The following POU6F2 variants were observed in gnomAD, a reference collection of about 807,000 sequenced individuals.
The protein encoded by POU6F2 is POU domain, class 6, transcription factor 2.
POU6F2 carries 31 observed loss-of-function variants against 71.3 expected under a neutral mutation model. The ratio of observed to expected loss-of-function variants is 0.43; its 90% confidence interval spans 0.33 to 0.59. The LOEUF (loss-of-function observed/expected upper bound fraction) is 0.59. Ranked by LOEUF, POU6F2 falls within the 20% of genes least tolerant of loss-of-function variation. The probability of loss-of-function intolerance (pLI) is 0.04; values close to 1 mark genes in which losing one functional copy is unlikely to be tolerated. For synonymous variants in POU6F2, 347 were observed against 355.7 expected, an observed-to-expected ratio of 0.98 and a Z score of 0.27; for missense variants, 783 against 856.8, an observed-to-expected ratio of 0.91 and a Z score of 1.07.
intron 4 of POU6F2, among the ~76,000 whole-genome samples, chr7:39,225,527 A>G (rs932971927): frequency 6.6e-6 from 1 of 152,056 alleles, no homozygotes; most frequent in Non-Finnish European, 1.5e-5. Flanking sequence ...GAAGCATGTT[A>G]CCTTTTCTGT....
At chr7:39,229,909 A>G (rs1794543625) in intron 4 of POU6F2, among the ~76,000 whole-genome samples, 1 of 152,238 alleles carries the variant, frequency 6.6e-6, no homozygotes, top group Admixed American at 6.5e-5. Flanking sequence ...TTGAGCACAT[A>G]CTAAATTCTG....
At chr7:39,395,810 TA>T (rs1787164519) in intron 5 of POU6F2, among the ~76,000 whole-genome samples, 3 of 152,206 alleles carry the variant, frequency 2.0e-5, no homozygotes, top group Non-Finnish European at 4.4e-5. Context: ...GTAAAGAGTG[TA>T]TTGTGCTTTT....
chr7:39,399,875 AG>A (rs60271626), intron 5 of POU6F2, among the ~76,000 whole-genome samples: 103 of 46,342 alleles, frequency 2.2e-3, no homozygotes, highest in East Asian at 7.6e-3. Flanking sequence ...AAAAAAAGAA[AG>A]AAAGAAAGAA....
chr7:39,030,476 C>A (rs1789910619), intron 1 of POU6F2, among the ~76,000 whole-genome samples: 1 of 123,058 alleles, frequency 8.1e-6, no homozygotes, highest in Non-Finnish European at 1.7e-5. Flanking sequence ...TTGCTAATCT[C>A]CTGTATTGAA....
At position 39,447,706 on chromosome 7, in the gene POU6F2, C is replaced by A. The variant is rs77965206; in HGVS notation, c.1321-3827C>A. On this transcript the variant is annotated intron_variant, in intron 7 of 9. Coordinates refer to ENST00000518318, the MANE Select transcript of POU6F2 (RefSeq NM_001370959.1). ...TATAGAAGCATCTAAGTTTCCCTTT[C>A]CCTCCAGGAAGGAAAGGAAAGAAAC... is the stretch of plus-strand genomic sequence containing the variant. Among the ~76,000 whole-genome samples the A allele has an allele frequency of 8.9e-3, 1,350 of 152,280 alleles. 23 individuals are homozygous for A. Among genetic ancestry groups the A allele is most frequent in the African/African-American group, 0.031 (1,273 of 41,558 alleles).
chr7:39,277,825 A>G (rs1248268735), intron 4 of POU6F2, among the ~76,000 whole-genome samples: 3 of 152,174 alleles, frequency 2.0e-5, no homozygotes, highest in Middle Eastern at 6.8e-3. Flanking sequence ...TTGGGAGGCC[A>G]TGGCGGGCGA....
rs1258474723 is a variant in POU6F2 at position 39,087,140 on chromosome 7, C to CTTTA, written c.277+1112_277+1115dup. Among the ~76,000 whole-genome samples, 4 of 110,730 alleles carry CTTTA rather than the reference C, an allele frequency of 3.6e-5. No individual in the cohort carries two copies. In the East Asian group the frequency reaches 9.4e-4, roughly 26 times the overall value. 72.6% of individuals were successfully genotyped at this position (110,730 alleles called of 152,430 possible). On this transcript the variant is annotated intron_variant, in intron 2 of 9. Transcript: ENST00000518318. ...TCAGCAATTCGGCTTGAAACACAGG[C>CTTTA]TTTATTAATTAATTAATTAATTTAT... is the stretch of plus-strand genomic sequence containing the variant.
intron 4 of POU6F2, among the ~76,000 whole-genome samples, chr7:39,326,211 A>C (rs1172079772): frequency 6.6e-6 from 1 of 152,210 alleles, no homozygotes; most frequent in African/African-American, 2.4e-5. Context: ...TTTGGTTTCA[A>C]GAAGACAGTG....
intron 2 of POU6F2, among the ~76,000 whole-genome samples, chr7:39,153,892 C>G (rs1228087930): frequency 6.6e-6 from 1 of 152,090 alleles, no homozygotes; most frequent in Non-Finnish European, 1.5e-5. Flanking sequence ...AGATGGGTAC[C>G]CTTGCCACTG....
At chr7:39,298,387 C>T (rs568120245) in intron 4 of POU6F2, among the ~76,000 whole-genome samples, 11 of 152,176 alleles carry the variant, frequency 7.2e-5, no homozygotes, top group East Asian at 1.9e-4. Context: ...AAGACATTTA[C>T]GTGGCCAACA....
At chr7:39,323,969 C>T (rs185123040) in intron 4 of POU6F2, among the ~76,000 whole-genome samples, 2 of 151,534 alleles carry the variant, frequency 1.3e-5, no homozygotes, top group Admixed American at 1.3e-4. Context: ...TTAGCCAGGC[C>T]TGGTCGTGGG....
intron 4 of POU6F2, among the ~76,000 whole-genome samples, chr7:39,336,562 C>A (rs183464273): frequency 5.9e-5 from 9 of 152,324 alleles, no homozygotes; most frequent in African/African-American, 2.2e-4. Flanking sequence ...TCCAGGATTC[C>A]TGGTCACTTT....
At chr7:39,369,523 G>T (rs1786567124) in intron 5 of POU6F2, among the ~76,000 whole-genome samples, 1 of 151,762 alleles carries the variant, frequency 6.6e-6, no homozygotes, top group African/African-American at 2.4e-5. Context: ...ACCATGCCCA[G>T]CTAATTTTTT....
chr7:39,030,028 G>T (rs1322020903), intron 1 of POU6F2, among the ~76,000 whole-genome samples: 2 of 151,886 alleles, frequency 1.3e-5, no homozygotes, highest in Non-Finnish European at 2.9e-5. Context: ...TGATATGAAG[G>T]TTTTACTGTC....
intron 2 of POU6F2, among the ~76,000 whole-genome samples, chr7:39,203,658 C>T (rs1220520519): frequency 6.6e-6 from 1 of 152,146 alleles, no homozygotes; most frequent in African/African-American, 2.4e-5. Flanking sequence ...GGAGCTATTG[C>T]GGGATTCCTA....
At chr7:39,431,490 G>A (rs1183357345) in intron 6 of POU6F2, among the ~76,000 whole-genome samples, 1 of 152,184 alleles carries the variant, frequency 6.6e-6, no homozygotes, top group Non-Finnish European at 1.5e-5. Context: ...GGTATTGTGT[G>A]GGTAGAAAGC....
intron 1 of POU6F2, among the ~76,000 whole-genome samples, chr7:38,983,988 G>T (rs1217903053): frequency 6.6e-6 from 1 of 152,064 alleles, no homozygotes; most frequent in Non-Finnish European, 1.5e-5. Context: ...TTCTTCAAAA[G>T]ACAGACATTA....
chr7:39,200,289 C>T (rs1333297965), intron 2 of POU6F2, among the ~76,000 whole-genome samples: 1 of 152,178 alleles, frequency 6.6e-6, no homozygotes. Context: ...ACGTGAGCTA[C>T]GCTTTAGATG....
At chr7:39,129,081 G>T (rs564416182) in intron 2 of POU6F2, among the ~76,000 whole-genome samples, 33 of 152,126 alleles carry the variant, frequency 2.2e-4, no homozygotes, top group Non-Finnish European at 4.1e-4. Flanking sequence ...CTGAGTAAAC[G>T]GTGCTGGCAA....
Sources: gnomAD v4.1 joint callset for allele counts (sites outside exome capture counted in the v4.1 genomes callset) on GRCh38, gnomAD v4.1.1 for gene constraint, MANE v1.5 for transcripts, NCBI Gene and HGNC (gene_info 2026-07-23, HGNC 2026-07-21) for gene names.